The following OTOP1 variants were observed in gnomAD, a reference collection of about 807,000 sequenced individuals.
The protein encoded by OTOP1 is proton channel OTOP1.
A neutral mutation model predicts 52.9 loss-of-function variants in OTOP1; 59 were observed. That is an observed-to-expected ratio of 1.12 (90% CI 0.91 to 1.39). The LOEUF (loss-of-function observed/expected upper bound fraction) is 1.39. Ranked by LOEUF, OTOP1 falls within the 40% of genes most tolerant of loss-of-function variation. The pLI is 0.00. For synonymous variants in OTOP1, 317 were observed against 337.7 expected, an observed-to-expected ratio of 0.94 and a Z score of 0.67; for missense variants, 761 against 800.9, an observed-to-expected ratio of 0.95 and a Z score of 0.60.
chr4:4,193,513 G>C (rs1407290769), intron 5 of OTOP1, among the ~76,000 whole-genome samples: 1 of 151,940 alleles, frequency 6.6e-6, no homozygotes, highest in African/African-American at 2.4e-5. Context: ...GACAGCTCTT[G>C]CTCTCTGCCA....
At chr4:4,210,362 C>A (rs1393512785) in intron 2 of OTOP1, among the ~76,000 whole-genome samples, 1 of 152,160 alleles carries the variant, frequency 6.6e-6, no homozygotes, top group African/African-American at 2.4e-5. Flanking sequence ...GACCACAGAC[C>A]ATCAGCTTCA....
intron 1 of OTOP1, among the ~76,000 whole-genome samples, chr4:4,222,212 T>G (rs1717318624): frequency 1.3e-5 from 2 of 151,944 alleles, no homozygotes; most frequent in South Asian, 4.2e-4. Flanking sequence ...TCCTGCTTGA[T>G]TAGTGCTAGA....
intron 5 of OTOP1, among the ~76,000 whole-genome samples, chr4:4,193,631 T>G (rs1716559919): frequency 6.6e-6 from 1 of 152,090 alleles, no homozygotes; most frequent in South Asian, 2.1e-4. Flanking sequence ...CATCCTCTGC[T>G]TCAATCCCCC....
At chr4:4,193,432 C>G (rs1246189601) in intron 5 of OTOP1, among the ~76,000 whole-genome samples, 1 of 152,184 alleles carries the variant, frequency 6.6e-6, no homozygotes, top group Non-Finnish European at 1.5e-5. Context: ...TGAAGTGGAG[C>G]CCACCCCACC....
At chr4:4,204,712 CTG>C (rs10526016) in intron 3 of OTOP1, among the ~76,000 whole-genome samples, 12,842 of 149,654 alleles carry the variant, frequency 0.086, 582 homozygotes, top group East Asian at 0.17. Context: ...TTTCCTTCAT[CTG>C]TGTGTGTGTG....
chr4:4,207,764 C>A (rs1012152665), intron 2 of OTOP1, among the ~76,000 whole-genome samples: 1 of 152,122 alleles, frequency 6.6e-6, no homozygotes, highest in African/African-American at 2.4e-5. Context: ...CAAAAAGTAC[C>A]TGATACAGGT....
chr4:4,220,829 A>G (rs999192776), intron 1 of OTOP1, among the ~76,000 whole-genome samples: 1 of 152,040 alleles, frequency 6.6e-6, no homozygotes, highest in African/African-American at 2.4e-5. Context: ...AATCCCTCCT[A>G]GGAGTCTAGA....
intron 1 of OTOP1, among the ~76,000 whole-genome samples, chr4:4,219,944 C>CAT (rs1274747587): frequency 7.2e-6 from 1 of 139,248 alleles, no homozygotes; most frequent in Non-Finnish European, 1.5e-5. Context: ...CATATATACA[C>CAT]ATATATACGT....
In OTOP1 at chr4:4,188,878, G is replaced by C; in HGVS notation, c.1764C>G (p.Asn588Lys). The change falls in exon 6 of 6, where the codon AAC becomes AAG. Residue 588 changes from asparagine to lysine, a missense_variant. Physicochemically the swap from Asn to Lys is moderately conservative, Grantham distance 94. Around this residue, in one of 3 missense-constraint regions of OTOP1, gnomAD observed 632 missense variants for 619.5 expected, o/e 1.02. Coordinates refer to ENST00000296358, the MANE Select transcript of OTOP1 (RefSeq NM_177998.3). ...FGFEPWIIVV[N>K]LAMPFSIFYR... ...AGAAAATAGAAAAAGGCATGGCCAG[G>C]TTGACCACAATTATCCAGGGTTCAA... 1 of 1,613,958 alleles carries C rather than the reference G, an allele frequency of 6.2e-7. No individual in the cohort carries two copies. Among genetic ancestry groups the C allele is most frequent in the South Asian group, 1.1e-5 (1 of 91,076 alleles).
At chr4:4,199,361 A>G (rs79387583) in intron 4 of OTOP1, among the ~76,000 whole-genome samples, 1 of 151,922 alleles carries the variant, frequency 6.6e-6, no homozygotes, top group Non-Finnish European at 1.5e-5. Flanking sequence ...GCCACTGCAC[A>G]TTATAATTAA....
chr4:4,194,875 A>T (rs1430474988), intron 5 of OTOP1, among the ~76,000 whole-genome samples: 2 of 151,924 alleles, frequency 1.3e-5, no homozygotes, highest in East Asian at 1.9e-4. Context: ...ATGTGTCTTT[A>T]AAAAAATCCC....
intron 1 of OTOP1, among the ~76,000 whole-genome samples, chr4:4,219,454 C>T (rs2108805365): frequency 6.6e-6 from 1 of 152,228 alleles, no homozygotes; most frequent in East Asian, 1.9e-4. Flanking sequence ...GTAATCCCAG[C>T]ACTTTGGGAG....
intron 4 of OTOP1, among the ~76,000 whole-genome samples, chr4:4,200,557 T>C (rs1716761149): frequency 6.6e-6 from 1 of 151,312 alleles, no homozygotes; most frequent in Non-Finnish European, 1.5e-5. Flanking sequence ...CTTTTTCTTT[T>C]TTTTTTTTCT....
At chr4:4,189,005 G>T in intron 5 of OTOP1, 32 bp from the exon 6 acceptor site, 1 of 1,599,638 alleles carries the variant, frequency 6.3e-7, no homozygotes, top group South Asian at 1.1e-5. Context: ...CATGTGGTGG[G>T]GAGCAGCTTC....
chr4:4,215,525 G>T (rs1717124412), intron 1 of OTOP1, among the ~76,000 whole-genome samples: 1 of 152,176 alleles, frequency 6.6e-6, no homozygotes, highest in Admixed American at 6.5e-5. Flanking sequence ...AGCGGGTGTG[G>T]TGGTACATGC....
chr4:4,211,037 G>A (rs1717015299), intron 2 of OTOP1, among the ~76,000 whole-genome samples: 1 of 152,098 alleles, frequency 6.6e-6, no homozygotes, highest in African/African-American at 2.4e-5. Flanking sequence ...CTCCAAATGA[G>A]CCCCTCAGCA....
At chr4:4,204,531 A>G (rs1034234120) in intron 3 of OTOP1, among the ~76,000 whole-genome samples, 4 of 152,084 alleles carry the variant, frequency 2.6e-5, no homozygotes, top group African/African-American at 2.4e-5. Context: ...TCTGCCACGC[A>G]AGCTCCCTGC....
At chr4:4,191,184 C>T (rs1230586661) in intron 5 of OTOP1, among the ~76,000 whole-genome samples, 1 of 152,134 alleles carries the variant, frequency 6.6e-6, no homozygotes, top group Non-Finnish European at 1.5e-5. Context: ...CCCCTCCCAT[C>T]CAGTCCATCA....
At chr4:4,202,847 G>C (rs546993397) in intron 3 of OTOP1, among the ~76,000 whole-genome samples, 1 of 152,352 alleles carries the variant, frequency 6.6e-6, no homozygotes, top group African/African-American at 2.4e-5. Flanking sequence ...AAGAAGCTGG[G>C]TCTTGGAAGC....
Sources: allele counts gnomAD v4.1 joint callset (sites outside exome capture counted in the v4.1 genomes callset), GRCh38; gene constraint gnomAD v4.1.1; regional missense constraint gnomAD v4.1.1; transcripts MANE v1.5; gene names NCBI Gene and HGNC (gene_info 2026-07-23, HGNC 2026-07-21).